Variants in STMN4 observed in about 807,000 individuals in gnomAD.
STMN4 encodes stathmin 4.
In STMN4, 12 loss-of-function variants were observed where a neutral mutation model predicts 29.1. The observed-to-expected ratio is 0.41, with a 90% confidence interval of 0.26 to 0.67. The LOEUF is 0.67. STMN4 is among the 30% of genes least tolerant of loss of function. STMN4 has a pLI of 0.30. For missense variants in STMN4, 181 were observed against 262.8 expected (o/e 0.69, Z 2.15); for synonymous variants, 114 against 105.3 (o/e 1.08, Z -0.51).
In STMN4 at chr8:27,236,563, G is replaced by A. The variant is rs534328748; in HGVS notation, c.*283C>T. Reference sequence around the variant, plus strand: ...GTAGAGATGTGAAAATCAGATCTGCGCCGGGCAGGGTTGCAATGTCCTTGA... The same window carrying A: ...GTAGAGATGTGAAAATCAGATCTGCACCGGGCAGGGTTGCAATGTCCTTGA... On this transcript the variant is annotated 3_prime_UTR_variant, in exon 7 of 7. Transcript: ENST00000350889. The A allele has an allele frequency of 4.0e-5, 11 of 275,576 alleles. No homozygotes were observed. Among genetic ancestry groups the A allele is most frequent in the African/African-American group, 2.0e-4 (9 of 45,302 alleles). 17.1% of individuals were successfully genotyped at this position (275,576 alleles called of 1,614,324 possible). A position where few individuals can be genotyped will look rare whatever the true frequency, so the allele number is the denominator to read the frequency against.
At chr8:27,239,944 A>G in intron 6 of STMN4, 27 bp downstream of exon 6, 1 of 1,613,728 alleles carries the variant, frequency 6.2e-7, no homozygotes, top group Non-Finnish European at 8.5e-7. Context: ...GTCCCAGGAA[A>G]CTCCTCTCTA....
intron 1 of STMN4, among the ~76,000 whole-genome samples, chr8:27,254,065 G>GC (rs1028384998): frequency 6.6e-6 from 1 of 152,180 alleles, no homozygotes; most frequent in African/African-American, 2.4e-5. Context: ...TTACAGGTGT[G>GC]AGCCATCGTG....
chr8:27,249,777 T>C (rs1801732625), intron 1 of STMN4, among the ~76,000 whole-genome samples: 1 of 152,194 alleles, frequency 6.6e-6, no homozygotes, highest in Admixed American at 6.5e-5. Flanking sequence ...CACCAAGTTC[T>C]CAGATGACAC....
In STMN4 at chr8:27,245,759, G is replaced by C. The variant is rs549109335; in HGVS notation, c.-78-1958C>G. Among the ~76,000 whole-genome samples, 8 of 152,358 alleles carry C rather than the reference G, an allele frequency of 5.3e-5. No individual in the cohort carries two copies. In the South Asian group the frequency reaches 1.4e-3, roughly 28 times the overall value. ...CCTGAATAGGTGGAGGGGAGGCAGA[G>C]AGGGATGCCTGAGAAAGAAGGCAGA... On this transcript the variant is annotated intron_variant, in intron 1 of 6. Coordinates refer to ENST00000350889, the MANE Select transcript of STMN4 (RefSeq NM_030795.4).
rs1029703974 is a variant in STMN4 at position 27,236,665 on chromosome 8, G to T, written c.*181C>A. ...CGTCATTGTTCCCCGGAAACAAATA[G>T]GATGGCTTCACTGGTCAATTCTTAA... On this transcript the variant is annotated 3_prime_UTR_variant, in exon 7 of 7. Coordinates refer to ENST00000350889, the MANE Select transcript of STMN4 (RefSeq NM_030795.4). The T allele has an allele frequency of 4.2e-6, 2 of 480,200 alleles. No individual in the cohort carries two copies. The highest frequency in any genetic ancestry group is 4.2e-5 in the Admixed American group (1 of 23,748). The allele number at this position is 480,200 out of a possible 1,614,324, so 29.7% of individuals were successfully genotyped here.
At chr8:27,250,528 G>C (rs1040941488) in intron 1 of STMN4, among the ~76,000 whole-genome samples, 1 of 152,154 alleles carries the variant, frequency 6.6e-6, no homozygotes, top group Non-Finnish European at 1.5e-5. Flanking sequence ...ATGGTCTTCC[G>C]CGATAATGTG....
chr8:27,239,496 T>C (rs1287101868), intron 6 of STMN4: 1 of 681,016 alleles, frequency 1.5e-6, no homozygotes, highest in East Asian at 2.7e-5. Flanking sequence ...TGTGACTCAC[T>C]GGGTCTGTGT....
chr8:27,242,448 A>G lies in STMN4; in HGVS notation c.58T>C (p.Cys20Arg). ...MKELPLVSLF[C>R]SCFLADPLNK... Reference sequence around the variant, plus strand: ...AGGGGATCGGCCAGGAAGCAGGAGCAGAACAAGGACACCAGCGGGAGCTCC... The same window carrying G: ...AGGGGATCGGCCAGGAAGCAGGAGCGGAACAAGGACACCAGCGGGAGCTCC... Residue 20 changes from cysteine to arginine, a missense_variant, in exon 3 of 7, where the codon TGC becomes CGC. Transcript: ENST00000350889. 1 of 1,614,224 alleles carries G rather than the reference A, an allele frequency of 6.2e-7. No individual in the cohort carries two copies. Among genetic ancestry groups the G allele is most frequent in the Non-Finnish European group, 8.5e-7 (1 of 1,180,024 alleles).
chr8:27,239,253 C>T (rs573772266), intron 6 of STMN4: 26 of 1,535,510 alleles, frequency 1.7e-5, no homozygotes, highest in Middle Eastern at 3.3e-4. Context: ...GATCAGGTCC[C>T]GGGAGTCACC....
At chr8:27,236,948 C>G in intron 6 of STMN4, 43 bp from the exon 7 acceptor site, 1 of 1,579,964 alleles carries the variant, frequency 6.3e-7, no homozygotes. Context: ...CACAAGGCTG[C>G]CCGGGGACAA....
chr8:27,239,839 G>A (rs1801412803), intron 6 of STMN4, 132 bp downstream of exon 6: 2 of 1,554,350 alleles, frequency 1.3e-6, no homozygotes, highest in East Asian at 2.4e-5. Flanking sequence ...TAAAGATCCT[G>A]CCTAAGAAAA....
intron 6 of STMN4, 137 bp downstream of exon 6, chr8:27,239,834 A>G: frequency 6.4e-7 from 1 of 1,552,142 alleles, no homozygotes; most frequent in Non-Finnish European, 8.7e-7. Context: ...CTCTCTAAAG[A>G]TCCTGCCTAA....
Position 27,239,725 on chromosome 8 carries a change from G to A in STMN4, c.591+246C>T, listed in dbSNP as rs1437737582. On this transcript the variant is annotated intron_variant, in intron 6 of 6. Coordinates refer to ENST00000350889, the MANE Select transcript of STMN4 (RefSeq NM_030795.4). ...AGACATATATGCTCCCTAAGGCAAT[G>A]AAGGATTTTAATTGTGTAACTGTGC... 4 of 1,459,678 alleles carry A rather than the reference G, an allele frequency of 2.7e-6. No homozygotes were observed. The Admixed American group carries it at 7.8e-5, about 28-fold the overall frequency. The allele number at this position is 1,459,678 out of a possible 1,614,324, so 90.4% of individuals were successfully genotyped here. A position where few individuals can be genotyped will look rare whatever the true frequency, so the allele number is the denominator to read the frequency against.
chr8:27,251,963 C>T (rs966509163), intron 1 of STMN4, among the ~76,000 whole-genome samples: 5 of 151,668 alleles, frequency 3.3e-5, no homozygotes, highest in Non-Finnish European at 7.4e-5. Context: ...CTCCCCCCTT[C>T]CCCCATTCCA....
intron 1 of STMN4, among the ~76,000 whole-genome samples, chr8:27,246,915 T>C (rs778631573): frequency 1.3e-5 from 2 of 152,172 alleles, no homozygotes; most frequent in Non-Finnish European, 2.9e-5. Flanking sequence ...ATGGTTTTTT[T>C]CACCTCAGGT....
chr8:27,242,198 T>A, intron 3 of STMN4, 199 bp downstream of exon 3: 1 of 609,180 alleles, frequency 1.6e-6, no homozygotes, highest in Non-Finnish European at 2.9e-6. Context: ...GATGCAGACC[T>A]TCATGGCCTC....
chr8:27,245,138 C>A (rs1055502115), intron 1 of STMN4, among the ~76,000 whole-genome samples: 2 of 152,238 alleles, frequency 1.3e-5, no homozygotes, highest in African/African-American at 4.8e-5. Flanking sequence ...TCTCGCTAGT[C>A]TCTTTCTCCA....
chr8:27,239,966 C>A lies in STMN4; in HGVS notation c.591+5G>T, dbSNP rs775127992. The A allele has an allele frequency of 6.2e-7, 1 of 1,614,130 alleles. No homozygotes were observed. The highest frequency in any genetic ancestry group is 8.5e-7 in the Non-Finnish European group (1 of 1,180,048). ...GAAACTCCTCTCTAGCCAGGGACCC[C>A]TCACCTTCTCTTGCAGCCGTTCCAA... On this transcript the variant is annotated splice_donor_5th_base_variant and intron_variant, in intron 6 of 6. Transcript: ENST00000350889.
chr8:27,239,411 AC>A (rs1586003313), intron 6 of STMN4: 2 of 964,238 alleles, frequency 2.1e-6, no homozygotes, highest in East Asian at 5.3e-5. Context: ...CACAGAACCA[AC>A]CCCGGCCTCA....
Sources: allele counts gnomAD v4.1 joint callset (sites outside exome capture counted in the v4.1 genomes callset), GRCh38; gene constraint gnomAD v4.1.1; transcripts MANE v1.5; gene names NCBI Gene and HGNC (gene_info 2026-07-23, HGNC 2026-07-21).